Variants in SLC44A1 observed in about 807,000 individuals in gnomAD.
SLC44A1 encodes the protein solute carrier family 44 member 1, also known as choline transporter-like protein 1.
A neutral mutation model predicts 79.3 loss-of-function variants in SLC44A1; 26 were observed. That is an observed-to-expected ratio of 0.33 (90% CI 0.24 to 0.46). The LOEUF (loss-of-function observed/expected upper bound fraction) is 0.46, where lower values mean the gene tolerates loss of function less well. Among genes scored for constraint, SLC44A1 ranks in the 20% least tolerant of loss-of-function variants. The probability of loss-of-function intolerance (pLI) is 1.00; values close to 1 mark genes in which losing one functional copy is unlikely to be tolerated. For synonymous variants in SLC44A1, 263 were observed against 286.2 expected (o/e 0.92, Z 0.82); for missense variants, 688 against 798.1 (o/e 0.86, Z 1.66).
At chr9:105,263,737 A>G (rs1415411816) in intron 1 of SLC44A1, among the ~76,000 whole-genome samples, 3 of 151,998 alleles carry the variant, frequency 2.0e-5, no homozygotes, top group Non-Finnish European at 4.4e-5. Context: ...GGGTTTCACT[A>G]TGTTGGCCAG....
At chr9:105,299,355 G>A (rs769749077) in intron 2 of SLC44A1, 46 bp downstream of exon 2, 16 of 1,330,056 alleles carry the variant, frequency 1.2e-5, no homozygotes, top group Non-Finnish European at 1.6e-5. Context: ...CATGATCCAA[G>A]GGAATGACGA....
At chr9:105,401,332 C>A (rs1375442358), downstream of SLC44A1, among the ~76,000 whole-genome samples, 1 of 151,978 alleles carries the variant, frequency 6.6e-6, no homozygotes, top group African/African-American at 2.4e-5. Flanking sequence ...ATGATAGTAA[C>A]TAAACCAGTG....
Position 105,362,951 on chromosome 9 carries a change from CTCTTG to C in SLC44A1, c.1038_1042del (p.Phe348GlyfsTer20). 1 of 1,613,832 alleles carries C rather than the reference CTCTTG, an allele frequency of 6.2e-7. No individual in the cohort carries two copies. The highest frequency in any genetic ancestry group is 8.5e-7 in the Non-Finnish European group (1 of 1,179,890). On this transcript the variant is annotated frameshift_variant, in exon 9 of 16. Transcript: ENST00000374720. LOFTEE classifies it high-confidence loss of function. ...TTCCAACCCTTCTGGACTTTCTTTG[CTCTTG>C]TCTTGTTTTGGGTGTACTGGATCAT... is the stretch of plus-strand genomic sequence containing the variant.
At chr9:105,415,003 T>C (rs1487732779) in intron 15 of SLC44A1, among the ~76,000 whole-genome samples, 13 of 152,090 alleles carry the variant, frequency 8.5e-5, no homozygotes, top group Admixed American at 8.5e-4. Context: ...TACTCACCCA[T>C]CAAACATAAG....
In SLC44A1 at chr9:105,394,372, T is replaced by G; in HGVS notation, c.*5316T>G. 1.0e-6 allele frequency: 1 copy of G among 985,344 alleles called. No individual in the cohort carries two copies. The highest frequency in any genetic ancestry group is 1.2e-6 in the Non-Finnish European group (1 of 829,968). The allele number at this position is 985,344 out of a possible 1,614,324, so 61.0% of individuals were successfully genotyped here. On this transcript the variant is annotated 3_prime_UTR_variant, in exon 16 of 16. Transcript: ENST00000374720. Reference sequence around the variant, plus strand: ...GAATAACAAGATGATCAACACTGAATCTTCATGACAGTAAGATTTTCTTTC... The same window carrying G: ...GAATAACAAGATGATCAACACTGAAGCTTCATGACAGTAAGATTTTCTTTC...
chr9:105,300,778 A>AT (rs11416029), intron 2 of SLC44A1, among the ~76,000 whole-genome samples: 30,325 of 144,446 alleles, frequency 0.21, 5,569 homozygotes, highest in African/African-American at 0.5. Context: ...GAGAAAAAAA[A>AT]TTTTTTTTTT....
chr9:105,268,202 A>G (rs1830003564), intron 1 of SLC44A1, among the ~76,000 whole-genome samples: 1 of 152,034 alleles, frequency 6.6e-6, no homozygotes, highest in Non-Finnish European at 1.5e-5. Context: ...TTTTAGCCCC[A>G]TTGTCATCTC....
chr9:105,393,590 T>C lies in SLC44A1; in HGVS notation c.*4534T>C, dbSNP rs1828813811. 4 of 954,442 alleles carry C rather than the reference T, an allele frequency of 4.2e-6. No homozygotes were observed. The African/African-American group carries it at 7.1e-5, about 17-fold the overall frequency. 59.1% of individuals were successfully genotyped at this position (954,442 alleles called of 1,614,324 possible). A position where few individuals can be genotyped will look rare whatever the true frequency, so the allele number is the denominator to read the frequency against. Reference sequence around the variant, plus strand: ...TTAATGCAGTTTTTAAACTTACTGATTTCTGTGGAAAACCTTTCTTTTCTA... The same window carrying C: ...TTAATGCAGTTTTTAAACTTACTGACTTCTGTGGAAAACCTTTCTTTTCTA... On this transcript the variant is annotated 3_prime_UTR_variant, in exon 16 of 16. Coordinates refer to ENST00000374720, the MANE Select transcript of SLC44A1 (RefSeq NM_080546.5).
chr9:105,335,452 A>G, intron 3 of SLC44A1, 111 bp from the exon 4 acceptor site: 1 of 727,058 alleles, frequency 1.4e-6, no homozygotes, highest in Admixed American at 2.8e-5. Context: ...TGAGATTTTT[A>G]TCGTGGAGGA....
intron 3 of SLC44A1, among the ~76,000 whole-genome samples, chr9:105,327,317 C>T (rs914583626): frequency 6.6e-6 from 1 of 152,100 alleles, no homozygotes; most frequent in African/African-American, 2.4e-5. Flanking sequence ...GAGTCTCACT[C>T]TGTCACCCAG....
intron 7 of SLC44A1, among the ~76,000 whole-genome samples, chr9:105,359,034 G>T (rs765830238): frequency 3.3e-5 from 5 of 151,826 alleles, no homozygotes; most frequent in African/African-American, 1.2e-4. Flanking sequence ...CCCACTTTTC[G>T]CCCTTGTTAA....
intron 12 of SLC44A1, among the ~76,000 whole-genome samples, chr9:105,372,945 G>T (rs1250464595): frequency 3.6e-5 from 5 of 139,236 alleles, no homozygotes; most frequent in Admixed American, 2.9e-4. Context: ...GCGAGACTCC[G>T]TCTCAAAAAA....
intron 1 of SLC44A1, among the ~76,000 whole-genome samples, chr9:105,288,444 G>A (rs1052563282): frequency 5.3e-5 from 8 of 152,294 alleles, no homozygotes; most frequent in African/African-American, 1.9e-4. Flanking sequence ...CATTGCCAGG[G>A]CTCAAACGAT....
At position 105,338,164 on chromosome 9, in the gene SLC44A1, A is replaced by G. The variant is rs772956118; in HGVS notation, c.406+2465A>G. ...AGACAAAATTTTAACAGGCAAATAG[A>G]AAAGCTGTAAAATTATATCAGAGAG... On this transcript the variant is annotated intron_variant, in intron 4 of 15. Coordinates refer to ENST00000374720, the MANE Select transcript of SLC44A1 (RefSeq NM_080546.5). Among the ~76,000 whole-genome samples, 12 of 152,166 alleles carry G rather than the reference A, an allele frequency of 7.9e-5. 1 individual carries two copies. Among genetic ancestry groups the G allele is most frequent in the Non-Finnish European group, 1.6e-4 (11 of 68,024 alleles).
intron 1 of SLC44A1, among the ~76,000 whole-genome samples, chr9:105,255,049 AAGAG>A (rs963039598): frequency 2.0e-5 from 3 of 151,796 alleles, no homozygotes; most frequent in Non-Finnish European, 4.4e-5. Flanking sequence ...GAGGGAAAAA[AAGAG>A]AGCCTCTGTT....
chr9:105,431,919 T>C (rs1419031565), intron 15 of SLC44A1, among the ~76,000 whole-genome samples: 2 of 152,116 alleles, frequency 1.3e-5, no homozygotes, highest in African/African-American at 4.8e-5. Flanking sequence ...TGTATGAAGG[T>C]ATCATTATTT....
chr9:105,304,959 T>G (rs1238708220), intron 2 of SLC44A1, among the ~76,000 whole-genome samples: 3 of 99,668 alleles, frequency 3.0e-5, no homozygotes, highest in African/African-American at 1.3e-4. Context: ...TTTTTTTTTT[T>G]TTTTTTTTTT....
intron 3 of SLC44A1, among the ~76,000 whole-genome samples, chr9:105,318,069 A>C (rs1771521515): frequency 6.6e-6 from 1 of 152,192 alleles, no homozygotes; most frequent in Non-Finnish European, 1.5e-5. Context: ...TAGATACCTC[A>C]CATAAACTTG....
At chr9:105,430,776 T>C (rs1254129829) in intron 15 of SLC44A1, among the ~76,000 whole-genome samples, 2 of 152,236 alleles carry the variant, frequency 1.3e-5, no homozygotes, top group Admixed American at 6.5e-5. Flanking sequence ...TCAATTTTTT[T>C]GGTTATATAC....
Sources: gnomAD v4.1 joint callset for allele counts (sites outside exome capture counted in the v4.1 genomes callset) on GRCh38, gnomAD v4.1.1 for gene constraint, MANE v1.5 for transcripts, NCBI Gene and HGNC (gene_info 2026-07-23, HGNC 2026-07-21) for gene names.